Variants in SLC8A1 observed in about 807,000 individuals in gnomAD.
The protein encoded by SLC8A1 is sodium/calcium exchanger 1.
In SLC8A1, 18 loss-of-function variants were observed where a neutral mutation model predicts 68.3. That is an observed-to-expected ratio of 0.26 (90% CI 0.18 to 0.39). The LOEUF (loss-of-function observed/expected upper bound fraction) is 0.39. Among genes scored for constraint, SLC8A1 ranks in the 10% least tolerant of loss-of-function variants. The probability of loss-of-function intolerance (pLI) is 1.00; values close to 1 mark genes in which losing one functional copy is unlikely to be tolerated. For missense variants in SLC8A1, 985 were observed against 1,156.7 expected (o/e 0.85, Z 2.15); for synonymous variants, 475 against 415.5 (o/e 1.14, Z -1.74).
At chr2:40,225,503 G>A (rs1269521899) in intron 2 of SLC8A1, among the ~76,000 whole-genome samples, 3 of 152,058 alleles carry the variant, frequency 2.0e-5, no homozygotes, top group Admixed American at 6.6e-5. Context: ...AAAGAATGTG[G>A]TGACTGGAGA....
chr2:40,316,134 T>G (rs2074416984), intron 2 of SLC8A1, among the ~76,000 whole-genome samples: 1 of 152,036 alleles, frequency 6.6e-6, no homozygotes, highest in African/African-American at 2.4e-5. Flanking sequence ...GTATACATGG[T>G]GAAAAAGAAA....
At chr2:40,345,502 T>A (rs1668968387) in intron 2 of SLC8A1, among the ~76,000 whole-genome samples, 1 of 152,110 alleles carries the variant, frequency 6.6e-6, no homozygotes, top group African/African-American at 2.4e-5. Context: ...AGACTCTACC[T>A]TTCAGCTCTG....
At chr2:40,336,386 C>G (rs1354501717) in intron 2 of SLC8A1, among the ~76,000 whole-genome samples, 1 of 152,162 alleles carries the variant, frequency 6.6e-6, no homozygotes, top group Non-Finnish European at 1.5e-5. Flanking sequence ...AGGGGCCTCT[C>G]TTGTCTGCAA....
Position 40,139,316 on chromosome 2 carries a change from G to T in SLC8A1, c.2437+85C>A, listed in dbSNP as rs1179570061. ...TCATAGGTCTTGGTTTGTTATCACA[G>T]CCCTTGAAATTGTAGGAAAGAAAGT... On this transcript the variant is annotated intron_variant, in intron 7 of 7. Transcript: ENST00000406785. The T allele has an allele frequency of 3.4e-6, 5 of 1,474,174 alleles. No individual in the cohort carries two copies. The East Asian group carries it at 1.1e-4, about 34-fold the overall frequency. The allele number at this position is 1,474,174 out of a possible 1,614,324, so 91.3% of individuals were successfully genotyped here.
intron 4 of SLC8A1, among the ~76,000 whole-genome samples, chr2:40,169,019 T>C (rs551888993): frequency 1.3e-5 from 2 of 152,308 alleles, no homozygotes; most frequent in South Asian, 4.1e-4. Context: ...GAGTAATTGA[T>C]TTTGCAAGCA....
chr2:40,433,384 C>T (rs1157735667), intron 1 of SLC8A1, among the ~76,000 whole-genome samples: 1 of 152,170 alleles, frequency 6.6e-6, no homozygotes, highest in African/African-American at 2.4e-5. Flanking sequence ...AAGCAAGTTT[C>T]AAAAGAGCTG....
intron 2 of SLC8A1, among the ~76,000 whole-genome samples, chr2:40,428,048 G>A (rs760570733): frequency 1.3e-5 from 2 of 152,018 alleles, no homozygotes; most frequent in Non-Finnish European, 2.9e-5. Flanking sequence ...TCCTTTTTGG[G>A]TTTTCCCAAT....
chr2:40,443,795 A>T (rs1453322372), intron 1 of SLC8A1, among the ~76,000 whole-genome samples: 1 of 152,162 alleles, frequency 6.6e-6, no homozygotes, highest in Non-Finnish European at 1.5e-5. Flanking sequence ...TTCTGCTAAC[A>T]ATCTGCAGCT....
At chr2:40,363,947 C>G (rs751717145) in intron 2 of SLC8A1, among the ~76,000 whole-genome samples, 7 of 151,406 alleles carry the variant, frequency 4.6e-5, no homozygotes, top group Non-Finnish European at 1.0e-4. Flanking sequence ...CCTCTGACTT[C>G]GGGGAGAAAA....
intron 2 of SLC8A1, among the ~76,000 whole-genome samples, chr2:40,302,485 T>C (rs2071689757): frequency 6.6e-6 from 1 of 150,380 alleles, no homozygotes; most frequent in Non-Finnish European, 1.5e-5. Context: ...ATATATATGA[T>C]ACATATATAT....
At chr2:40,289,638 G>A (rs1266679258) in intron 2 of SLC8A1, among the ~76,000 whole-genome samples, 1 of 152,008 alleles carries the variant, frequency 6.6e-6, no homozygotes, top group Non-Finnish European at 1.5e-5. Context: ...ATCACTTGAG[G>A]TCAGGAGTTG....
At chr2:40,335,400 A>G (rs771892491) in intron 2 of SLC8A1, among the ~76,000 whole-genome samples, 4 of 152,186 alleles carry the variant, frequency 2.6e-5, no homozygotes, top group Non-Finnish European at 4.4e-5. Context: ...TCTGGAAAGC[A>G]CACTCCCTGT....
In SLC8A1 at chr2:40,392,593, T is replaced by A. The variant is rs979381683; in HGVS notation, c.1808+35880A>T. On this transcript the variant is annotated intron_variant, in intron 2 of 7. Coordinates refer to ENST00000406785, the Ensembl canonical transcript of SLC8A1. Reference sequence around the variant, plus strand: ...GGGTAAGTGCTAATTGCTGAAGATCTACCAATTTGCTGTGTGCTTTTACTA... The same window carrying A: ...GGGTAAGTGCTAATTGCTGAAGATCAACCAATTTGCTGTGTGCTTTTACTA... 3.3e-5 allele frequency among the ~76,000 whole-genome samples: 5 copies of A among 152,160 alleles called. No homozygotes were observed. In the South Asian group the frequency reaches 1.0e-3, roughly 31 times the overall value.
exon 8 of SLC8A1, chr2:40,099,816 G>A (rs938981080): frequency 1.3e-5 from 2 of 152,022 alleles, no homozygotes; most frequent in African/African-American, 4.8e-5. Flanking sequence ...AACCATCAAA[G>A]GCAAGAGAAG....
chr2:40,142,166 T>C lies in SLC8A1; in HGVS notation c.2162-2490A>G, dbSNP rs112934832. 4.6e-3 allele frequency among the ~76,000 whole-genome samples: 701 copies of C among 152,350 alleles called. 5 individuals carry two copies. Among genetic ancestry groups the C allele is most frequent in the African/African-American group, 0.016 (669 of 41,574 alleles). On this transcript the variant is annotated intron_variant, in intron 6 of 7. Transcript: ENST00000406785. ...CTACTCTTTTTTGTTTGTTTCCTTA[T>C]ACATTTCTTCTTTTTTCTTTCTTTT...
intron 2 of SLC8A1, among the ~76,000 whole-genome samples, chr2:40,427,653 G>T (rs1487735936): frequency 6.6e-6 from 1 of 152,044 alleles, no homozygotes; most frequent in Admixed American, 6.6e-5. Flanking sequence ...TAACAACTGG[G>T]TACTTCATAT....
chr2:40,329,094 A>T (rs1053673946), intron 2 of SLC8A1, among the ~76,000 whole-genome samples: 1 of 149,968 alleles, frequency 6.7e-6, no homozygotes, highest in Non-Finnish European at 1.5e-5. Flanking sequence ...ACACACACAC[A>T]CACACACGCA....
intron 1 of SLC8A1, among the ~76,000 whole-genome samples, chr2:40,463,854 A>G (rs1703489087): frequency 2.3e-5 from 3 of 128,800 alleles, no homozygotes; most frequent in Non-Finnish European, 4.6e-5. Context: ...ACACACACAC[A>G]CACACACACA....
intron 2 of SLC8A1, among the ~76,000 whole-genome samples, chr2:40,419,543 T>TC (rs1018850954): frequency 2.0e-5 from 3 of 152,098 alleles, no homozygotes; most frequent in Non-Finnish European, 2.9e-5. Context: ...CTTCTCTGCC[T>TC]CCCTCCATCT....
Sources: allele counts gnomAD v4.1 joint callset (sites outside exome capture counted in the v4.1 genomes callset), GRCh38; gene constraint gnomAD v4.1.1; transcripts MANE v1.5; gene names NCBI Gene and HGNC (gene_info 2026-07-23, HGNC 2026-07-21).